The following SPRYD7 variants were observed in gnomAD, a reference collection of about 807,000 sequenced individuals.
SPRYD7 encodes SPRY domain-containing protein 7.
SPRYD7 carries 14 observed loss-of-function variants against 23.8 expected under a neutral mutation model. The observed-to-expected ratio is 0.59, with a 90% CI of 0.39 to 0.92. The LOEUF (loss-of-function observed/expected upper bound fraction) is 0.92. SPRYD7 is among the 40% of genes least tolerant of loss of function. The pLI is 0.00. For missense variants in SPRYD7, 194 were observed against 241.7 expected (o/e 0.80, Z 1.31); for synonymous variants, 75 against 84.9 (o/e 0.88, Z 0.64).
At chr13:49,921,699 A>G (rs1172385420) in intron 3 of SPRYD7, 119 bp from the exon 4 acceptor site, 5 of 629,036 alleles carry the variant, frequency 7.9e-6, no homozygotes, top group Non-Finnish European at 1.4e-5. Flanking sequence ...TTAAGGGTTG[A>G]CAATTTGGTA....
In SPRYD7 at chr13:49,925,000, T is replaced by TA. The variant is rs1566404668; in HGVS notation, c.390+2918dup. On this transcript the variant is annotated intron_variant, in intron 3 of 4. Coordinates refer to ENST00000361840, the MANE Select transcript of SPRYD7 (RefSeq NM_020456.4). Reference sequence around the variant, plus strand: ...TCAAAAAAAAAAAATAAATAAATAATAATAATAATAATAATAATAATAATA... The same window carrying TA: ...TCAAAAAAAAAAAATAAATAAATAATAAATAATAATAATAATAATAATAATA... Among the ~76,000 whole-genome samples, 13 of 143,794 alleles carry TA rather than the reference T, an allele frequency of 9.0e-5. No individual in the cohort carries two copies. The East Asian group carries it at 1.4e-3, about 16-fold the overall frequency. 94.3% of individuals were successfully genotyped at this position (143,794 alleles called of 152,430 possible). A position where few individuals can be genotyped will look rare whatever the true frequency, so the allele number is the denominator to read the frequency against.
At chr13:49,933,653 G>C (rs2138243384) in intron 1 of SPRYD7, among the ~76,000 whole-genome samples, 1 of 151,598 alleles carries the variant, frequency 6.6e-6, no homozygotes, top group South Asian at 2.1e-4. Flanking sequence ...GGGTGTTTAT[G>C]AGTCATTAGG....
At chr13:49,922,032 T>TAG (rs1955827127) in intron 3 of SPRYD7, among the ~76,000 whole-genome samples, 2 of 152,210 alleles carry the variant, frequency 1.3e-5, no homozygotes, top group Admixed American at 6.6e-5. Flanking sequence ...TGAAGAAACG[T>TAG]CTCTATACAT....
chr13:49,931,661 T>C (rs1359406471), intron 1 of SPRYD7, among the ~76,000 whole-genome samples: 1 of 152,210 alleles, frequency 6.6e-6, no homozygotes, highest in Non-Finnish European at 1.5e-5. Context: ...AAGTTTTAAT[T>C]AAGCATGCTG....
intron 1 of SPRYD7, 100 bp downstream of exon 1, chr13:49,936,030 G>A: frequency 3.3e-6 from 2 of 603,320 alleles, no homozygotes; most frequent in Middle Eastern, 5.1e-4. Context: ...CGTCGCCGGC[G>A]CGGCGGGGCA....
In SPRYD7 at chr13:49,931,472, G is replaced by A. The variant is rs115159798; in HGVS notation, c.107-338C>T. On this transcript the variant is annotated intron_variant, in intron 1 of 4. Transcript: ENST00000361840. ...TGGGATTACAGGCGTGAAGCACCGCGCCTGGCCAAGTTTTCTATTTTCAAT... is the reference window on the plus strand; with the variant it reads ...TGGGATTACAGGCGTGAAGCACCGCACCTGGCCAAGTTTTCTATTTTCAAT... Among the ~76,000 whole-genome samples the A allele has an allele frequency of 6.6e-3, 998 of 152,024 alleles. 5 individuals are homozygous for A. Among genetic ancestry groups the A allele is most frequent in the African/African-American group, 0.021 (878 of 41,494 alleles).
At chr13:49,922,839 C>A (rs192814181) in intron 3 of SPRYD7, among the ~76,000 whole-genome samples, 5 of 151,370 alleles carry the variant, frequency 3.3e-5, no homozygotes, top group Admixed American at 2.0e-4. Flanking sequence ...TTTTATAGAT[C>A]ATCTTAGTCT....
intron 2 of SPRYD7, among the ~76,000 whole-genome samples, chr13:49,930,775 T>C (rs189211196): frequency 9.9e-5 from 15 of 152,260 alleles, no homozygotes; most frequent in Admixed American, 5.9e-4. Flanking sequence ...CTTTCATACA[T>C]AGAGTTCCTG....
chr13:49,918,957 C>A (rs1412362335), intron 4 of SPRYD7, among the ~76,000 whole-genome samples: 1 of 151,380 alleles, frequency 6.6e-6, no homozygotes, highest in Non-Finnish European at 1.5e-5. Context: ...ATCAAGTGAT[C>A]CACCGGCTTC....
chr13:49,927,369 G>A (rs748849418), intron 3 of SPRYD7, among the ~76,000 whole-genome samples: 4 of 151,940 alleles, frequency 2.6e-5, no homozygotes, highest in East Asian at 1.9e-4. Context: ...GGTGGTGTGC[G>A]CCTGTAATCC....
intron 3 of SPRYD7, 74 bp downstream of exon 3, chr13:49,927,841 CCAGA>C (rs1208689381): frequency 1.3e-6 from 2 of 1,492,496 alleles, no homozygotes; most frequent in Non-Finnish European, 1.8e-6. Context: ...CCACAAACTC[CCAGA>C]CAAAGCTGTA....
At chr13:49,927,508 CAA>C (rs1236887915) in intron 3 of SPRYD7, among the ~76,000 whole-genome samples, 6 of 149,156 alleles carry the variant, frequency 4.0e-5, no homozygotes, top group African/African-American at 1.5e-4. Context: ...AAAAAAAAAA[CAA>C]GAAGAAGAAA....
chr13:49,918,687 A>G (rs1372115276), intron 4 of SPRYD7, among the ~76,000 whole-genome samples: 1 of 148,064 alleles, frequency 6.8e-6, no homozygotes, highest in East Asian at 2.0e-4. Flanking sequence ...CTAATTAGTT[A>G]TTTTTCTTTC....
chr13:49,921,573 G>A lies in SPRYD7; in HGVS notation c.398C>T (p.Thr133Ile). 4.4e-6 allele frequency: 7 copies of A among 1,598,262 alleles called. No homozygotes were observed. Among genetic ancestry groups the A allele is most frequent in the Non-Finnish European group, 6.0e-6 (7 of 1,165,890 alleles). Reference sequence around the variant, plus strand: ...TACATTTAATTCGACATGGTCATAAGTAATACCCTAGGAAGGAAAAAACAG... The same window carrying A: ...TACATTTAATTCGACATGGTCATAAATAATACCCTAGGAAGGAAAAAACAG... ...LPQEGDVVGITYDHVELNVYL... is the reference protein window; with the variant it reads ...LPQEGDVVGIIYDHVELNVYL... Residue 133 changes from threonine (T) to isoleucine (I), a missense_variant, in exon 4 of 5, where the codon ACT (threonine) becomes ATT (isoleucine). Coordinates refer to ENST00000361840, the MANE Select transcript of SPRYD7 (RefSeq NM_020456.4).
At chr13:49,918,380 C>A (rs895721659) in intron 4 of SPRYD7, among the ~76,000 whole-genome samples, 1 of 149,780 alleles carries the variant, frequency 6.7e-6, no homozygotes, top group African/African-American at 2.5e-5. Context: ...TAGTAAACTA[C>A]AACAAATGTA....
In SPRYD7 at chr13:49,921,475, T is replaced by C. The variant is rs1417885523; in HGVS notation, c.493+3A>G. 1 of 1,591,666 alleles carries C rather than the reference T, an allele frequency of 6.3e-7. No homozygotes were observed. Among genetic ancestry groups the C allele is most frequent in the Non-Finnish European group, 8.6e-7 (1 of 1,160,022 alleles). ...ATAATACATTAGAAATATTTTTGCT[T>C]ACCATAAACAACTGGATACACTGTC... On this transcript the variant is annotated splice_donor_region_variant and intron_variant, in intron 4 of 4. Transcript: ENST00000361840.
chr13:49,933,647 G>A (rs1221190941), intron 1 of SPRYD7, among the ~76,000 whole-genome samples: 1 of 151,602 alleles, frequency 6.6e-6, no homozygotes, highest in Non-Finnish European at 1.5e-5. Context: ...TATTCAGGGT[G>A]TTTATGAGTC....
intron 4 of SPRYD7, among the ~76,000 whole-genome samples, chr13:49,918,587 AG>A (rs1047590181): frequency 3.3e-5 from 5 of 150,286 alleles, no homozygotes; most frequent in African/African-American, 1.2e-4. Context: ...CATGTTGGCC[AG>A]GCTAGTCTTG....
At chr13:49,923,999 T>G (rs933899199) in intron 3 of SPRYD7, among the ~76,000 whole-genome samples, 5 of 151,394 alleles carry the variant, frequency 3.3e-5, no homozygotes, top group African/African-American at 1.2e-4. Context: ...TTTTTTTTTT[T>G]GAGGCAGAGT....
Sources: gnomAD v4.1 joint callset for allele counts (sites outside exome capture counted in the v4.1 genomes callset) on GRCh38, gnomAD v4.1.1 for gene constraint, MANE v1.5 for transcripts, NCBI Gene and HGNC (gene_info 2026-07-23, HGNC 2026-07-21) for gene names.